TNRC18: variants seen among roughly 807,000 people sequenced by gnomAD.
TNRC18 encodes the protein trinucleotide repeat-containing gene 18 protein.
Under a neutral mutation model 226.7 loss-of-function variants are expected in TNRC18, and 69 were observed. That is an observed-to-expected ratio of 0.30 (90% CI 0.25 to 0.37). The LOEUF is 0.37. Among genes scored for constraint, TNRC18 ranks in the 10% least tolerant of loss-of-function variants. The pLI is 1.00. For missense variants in TNRC18, 4,754 were observed against 4,256.6 expected (o/e 1.12, Z -3.25); for synonymous variants, 2,449 against 1,927.6 (o/e 1.27, Z -7.09).
In TNRC18 at chr7:5,355,159, C is replaced by T. The variant is rs73338463; in HGVS notation, c.5194+1757G>A. Among the ~76,000 whole-genome samples, 5 of 152,202 alleles carry T rather than the reference C, an allele frequency of 3.3e-5. 1 individual carries two copies. Among genetic ancestry groups the T allele is most frequent in the Non-Finnish European group, 5.9e-5 (4 of 68,034 alleles). ...GCTAGCCACAAACTTAGCACCTGTC[C>T]GCCCTGGGCATGAGGTGCTCTGTCC... On this transcript the variant is annotated intron_variant, in intron 16 of 29. Transcript: ENST00000430969.
At position 5,357,063 on chromosome 7, in the gene TNRC18, C is replaced by T. The variant is rs1792502513; in HGVS notation, c.5047G>A (p.Gly1683Ser). ...LGKNRKALAK[G>S]LGLSLKSSRE... ...GAGGATTTCAGAGACAGGCCGAGGC[C>T]CTTGGCCAGCGCCTTCCTGTTCTTC... Residue 1683 changes from glycine to serine, a missense_variant, in exon 16 of 30, where the codon GGC becomes AGC. Physicochemically the swap from Gly to Ser is moderately conservative, Grantham distance 56 (BLOSUM62 0). Coordinates refer to ENST00000430969, the MANE Select transcript of TNRC18 (RefSeq NM_001080495.3). 3.2e-6 allele frequency: 5 copies of T among 1,552,024 alleles called. 1 individual carries two copies. The South Asian group carries it at 5.9e-5, about 18-fold the overall frequency.
Position 5,388,479 on chromosome 7 carries a change from C to T in TNRC18, c.1345G>A (p.Ala449Thr), listed in dbSNP as rs1156341165. 8 of 1,390,696 alleles carry T rather than the reference C, an allele frequency of 5.8e-6. No homozygotes were observed. Among genetic ancestry groups the T allele is most frequent in the Non-Finnish European group, 6.5e-6 (7 of 1,081,876 alleles). 86.1% of individuals were successfully genotyped at this position (1,390,696 alleles called of 1,614,324 possible). A position where few individuals can be genotyped will look rare whatever the true frequency, so the allele number is the denominator to read the frequency against. Residue 449 changes from alanine to threonine, a missense_variant, in exon 5 of 30, where the codon GCC (alanine) becomes ACC (threonine). Ala to Thr is a moderately conservative substitution (Grantham distance 58). Transcript: ENST00000430969. ...PPPADAPTVR[A>T]TRASPDPRAY... ...CGGGGGTCCGGGGAGGCGCGTGTGG[C>T]CCGCACCGTGGGGGCATCCGCGGGG...
chr7:5,308,370 C>T (rs1583705125), intron 29 of TNRC18, 58 bp from the exon 30 acceptor site: 2 of 1,517,984 alleles, frequency 1.3e-6, no homozygotes, highest in African/African-American at 1.4e-5. Flanking sequence ...CCGAGGGAGC[C>T]CCAGGGAGCC....
chr7:5,376,419 C>A (rs974965099), intron 8 of TNRC18, among the ~76,000 whole-genome samples, 195 bp from the exon 9 acceptor site: 1 of 152,092 alleles, frequency 6.6e-6, no homozygotes, highest in African/African-American at 2.4e-5. Flanking sequence ...ACCCCAGGCC[C>A]GGGGAACACA....
intron 10 of TNRC18, among the ~76,000 whole-genome samples, chr7:5,373,774 A>G (rs1794374061): frequency 6.6e-6 from 1 of 152,192 alleles, no homozygotes; most frequent in East Asian, 1.9e-4. Context: ...AGCGTGTGAC[A>G]GGTCTGGCTC....
At chr7:5,347,295 C>A (rs979139181) in intron 17 of TNRC18, among the ~76,000 whole-genome samples, 20 of 150,946 alleles carry the variant, frequency 1.3e-4, no homozygotes, top group Admixed American at 3.3e-4. Flanking sequence ...TCACGCCATT[C>A]TCCTGCCTCA....
chr7:5,342,849 G>A (rs1056483886), intron 18 of TNRC18, among the ~76,000 whole-genome samples: 5 of 152,108 alleles, frequency 3.3e-5, no homozygotes, highest in East Asian at 1.9e-4. Context: ...AGAGTCAATC[G>A]ATGTGGCAAA....
Position 5,377,793 on chromosome 7 carries a change from G to A in TNRC18, c.2255+129C>T. On this transcript the variant is annotated intron_variant, in intron 6 of 29. Transcript: ENST00000430969. This position sits in a 1 kb window ranked among gnomAD's most constrained non-coding sequence, Gnocchi z 5.8. ...CTGGCCCGATGCTGAGGACCAGAGT[G>A]ACTCCCGCTCTCAGTACCATAGCAT... 9.7e-7 allele frequency: 1 copy of A among 1,025,926 alleles called. No homozygotes were observed. The highest frequency in any genetic ancestry group is 1.6e-5 in the South Asian group (1 of 64,372). The allele number at this position is 1,025,926 out of a possible 1,614,324, so 63.6% of individuals were successfully genotyped here.
intron 2 of TNRC18, among the ~76,000 whole-genome samples, chr7:5,416,149 T>G (rs1782173788): frequency 7.0e-6 from 1 of 141,992 alleles, no homozygotes; most frequent in Admixed American, 7.3e-5. Context: ...GCGCGGTGGC[T>G]CAAGCCTGTA....
chr7:5,398,524 G>A (rs1234499980), intron 2 of TNRC18, among the ~76,000 whole-genome samples: 1 of 151,974 alleles, frequency 6.6e-6, no homozygotes, highest in African/African-American at 2.4e-5. Context: ...TTGCGATGTT[G>A]CCCAGGCTGG....
Position 5,377,609 on chromosome 7 carries a change from T to TCGGACAGCC in TNRC18, c.2256-42_2256-34dup. ...GAGGATCATAGGTGTCAGCGACAGC[T>TCGGACAGCC]CGGACAGCCCAGGGGACGAGAGGGA... On this transcript the variant is annotated intron_variant, in intron 6 of 29. Transcript: ENST00000430969. The surrounding 1 kb of genome is among the most constrained non-coding windows in gnomAD (Gnocchi z 5.8). 6.5e-7 allele frequency: 1 copy of TCGGACAGCC among 1,546,366 alleles called. No individual in the cohort carries two copies.
At chr7:5,332,546 T>C (rs1789639721) in intron 19 of TNRC18, 76 bp downstream of exon 19, 2 of 1,427,894 alleles carry the variant, frequency 1.4e-6, no homozygotes, top group East Asian at 2.9e-5. Flanking sequence ...TTCCCTAGGC[T>C]GGGAGGGGAG....
intron 11 of TNRC18, among the ~76,000 whole-genome samples, chr7:5,363,118 A>G (rs1197905069): frequency 6.6e-6 from 1 of 151,110 alleles, no homozygotes; most frequent in Non-Finnish European, 1.5e-5. Flanking sequence ...ACATGGTGAA[A>G]CAGTGAAACC....
chr7:5,387,651 T>A, intron 5 of TNRC18, 21 bp downstream of exon 5: 1 of 1,601,502 alleles, frequency 6.2e-7, no homozygotes, highest in Non-Finnish European at 8.5e-7. Context: ...TACCCGCACC[T>A]GGGCTCTGCC....
chr7:5,374,201 C>CGGGGGGGG lies in TNRC18; in HGVS notation c.3082_3083insCCCCCCCC (p.Ser1028ThrfsTer134). On this transcript the variant is annotated frameshift_variant, in exon 10 of 30. Coordinates refer to ENST00000430969, the MANE Select transcript of TNRC18 (RefSeq NM_001080495.3). LOFTEE classifies it high-confidence loss of function. ...GGGCGGCGGGCTGGTGGGGTGGGAG[C>CGGGGGGGG]TGGGGGTGGCGGGGTAGGCGTAGGC... The CGGGGGGGG allele has an allele frequency of 1.4e-6, 1 of 738,490 alleles. No homozygotes were observed. The highest frequency in any genetic ancestry group is 1.6e-6 in the Non-Finnish European group (1 of 618,636). 45.7% of individuals were successfully genotyped at this position (738,490 alleles called of 1,614,324 possible).
intron 2 of TNRC18, among the ~76,000 whole-genome samples, chr7:5,404,932 G>C (rs953979205): frequency 1.3e-5 from 2 of 151,926 alleles, no homozygotes; most frequent in Admixed American, 6.6e-5. Flanking sequence ...TGGACAACAC[G>C]GTGAAACCCA....
At chr7:5,316,179 A>T in intron 24 of TNRC18, 107 bp from the exon 25 acceptor site, 1 of 712,244 alleles carries the variant, frequency 1.4e-6, no homozygotes, top group Non-Finnish European at 2.3e-6. Flanking sequence ...CCTGGTCTCT[A>T]TGGTACAGCA....
At chr7:5,410,910 A>G (rs944949783) in intron 2 of TNRC18, among the ~76,000 whole-genome samples, 7 of 149,942 alleles carry the variant, frequency 4.7e-5, no homozygotes, top group Admixed American at 1.3e-4. Flanking sequence ...AAGAGGAGAG[A>G]AAAGAAAGGA....
At chr7:5,342,471 G>A (rs180699885) in intron 18 of TNRC18, among the ~76,000 whole-genome samples, 6 of 151,770 alleles carry the variant, frequency 4.0e-5, no homozygotes, top group South Asian at 4.2e-4. Context: ...TCCAACCCTC[G>A]CGGACAACTA....
Sources: gnomAD v4.1 joint callset for allele counts (sites outside exome capture counted in the v4.1 genomes callset) on GRCh38, gnomAD v4.1.1 for gene constraint, Gnocchi (gnomAD v3.1) non-coding constraint, MANE v1.5 for transcripts, NCBI Gene and HGNC (gene_info 2026-07-23, HGNC 2026-07-21) for gene names.